Variants in TMEFF2 observed in about 807,000 individuals in gnomAD.
TMEFF2 encodes tomoregulin-2.
A neutral mutation model predicts 53.8 loss-of-function variants in TMEFF2; 28 were observed. The ratio of observed to expected loss-of-function variants is 0.52; its 90% CI spans 0.39 to 0.71. TMEFF2 has a LOEUF of 0.71. Ranked by LOEUF, TMEFF2 falls within the 30% of genes least tolerant of loss-of-function variation. The pLI, the probability that TMEFF2 is intolerant of heterozygous loss-of-function variation, is 0.00. For missense variants in TMEFF2, 353 were observed against 455.2 expected (o/e 0.78, Z 2.04); for synonymous variants, 162 against 166.3 (o/e 0.97, Z 0.20).
chr2:192,015,516 C>A (rs552628719), intron 5 of TMEFF2, among the ~76,000 whole-genome samples: 1 of 152,056 alleles, frequency 6.6e-6, no homozygotes, highest in Admixed American at 6.5e-5. Context: ...GAATGATTAT[C>A]ATATTCACGA....
chr2:192,054,968 T>C (rs920514093), intron 5 of TMEFF2, among the ~76,000 whole-genome samples: 3 of 151,026 alleles, frequency 2.0e-5, no homozygotes, highest in African/African-American at 7.3e-5. Flanking sequence ...TAAAAGCTCA[T>C]GTCTTAAATG....
chr2:192,185,489 A>C (rs1025378849), intron 2 of TMEFF2, among the ~76,000 whole-genome samples: 2 of 152,084 alleles, frequency 1.3e-5, no homozygotes, highest in Non-Finnish European at 2.9e-5. Flanking sequence ...TAAAAACTCT[A>C]TGTTTTACTT....
intron 2 of TMEFF2, among the ~76,000 whole-genome samples, chr2:192,191,035 T>A (rs937748720): frequency 3.3e-5 from 5 of 152,166 alleles, no homozygotes; most frequent in Non-Finnish European, 5.9e-5. Context: ...TATAGGCTAT[T>A]AGTACAACAT....
intron 5 of TMEFF2, chr2:192,044,459 G>A (rs950949542): frequency 1.3e-5 from 2 of 152,204 alleles, no homozygotes; most frequent in African/African-American, 2.4e-5. Flanking sequence ...ACAATGCCTA[G>A]TGGGCCTCTT....
chr2:192,161,638 T>TG (rs1300590197), intron 4 of TMEFF2, among the ~76,000 whole-genome samples: 2 of 152,230 alleles, frequency 1.3e-5, no homozygotes, highest in Non-Finnish European at 2.9e-5. Context: ...TGGACCAGTC[T>TG]GGAGACAACT....
At chr2:192,002,625 T>C (rs894113139) in intron 5 of TMEFF2, among the ~76,000 whole-genome samples, 2 of 152,240 alleles carry the variant, frequency 1.3e-5, no homozygotes, top group Admixed American at 1.3e-4. Context: ...AGTTCAGCAG[T>C]TGGAGACCAG....
At chr2:192,008,591 C>T (rs915221942) in intron 5 of TMEFF2, among the ~76,000 whole-genome samples, 14 of 152,030 alleles carry the variant, frequency 9.2e-5, no homozygotes, top group South Asian at 2.1e-4. Flanking sequence ...GCGGTCGCTC[C>T]GACTGGATGG....
intron 4 of TMEFF2, among the ~76,000 whole-genome samples, chr2:192,084,249 T>G (rs1361547269): frequency 6.6e-6 from 1 of 152,176 alleles, no homozygotes; most frequent in East Asian, 1.9e-4. Context: ...TAACATGCAT[T>G]TCTCATCAAA....
At chr2:192,132,611 C>T (rs542166517) in intron 4 of TMEFF2, among the ~76,000 whole-genome samples, 11 of 152,286 alleles carry the variant, frequency 7.2e-5, no homozygotes, top group Admixed American at 3.9e-4. Flanking sequence ...CAAACCCCAG[C>T]CACATCTCCA....
At chr2:192,076,173 C>A (rs1688428013) in intron 4 of TMEFF2, among the ~76,000 whole-genome samples, 1 of 151,552 alleles carries the variant, frequency 6.6e-6, no homozygotes, top group South Asian at 2.1e-4. Flanking sequence ...GTCTTTTTTT[C>A]CAACTTAGTA....
intron 4 of TMEFF2, among the ~76,000 whole-genome samples, chr2:192,090,593 C>T (rs1480692506): frequency 6.6e-6 from 1 of 152,112 alleles, no homozygotes; most frequent in South Asian, 2.1e-4. Context: ...TTTATGTTTT[C>T]TGTATGAAAG....
At chr2:192,135,445 T>C (rs566131329) in intron 4 of TMEFF2, among the ~76,000 whole-genome samples, 1 of 152,228 alleles carries the variant, frequency 6.6e-6, no homozygotes, top group Non-Finnish European at 1.5e-5. Flanking sequence ...CCATCACCAA[T>C]AATTCTAAAT....
chr2:192,189,043 G>A (rs1691393719), intron 2 of TMEFF2, among the ~76,000 whole-genome samples: 1 of 151,900 alleles, frequency 6.6e-6, no homozygotes, highest in Admixed American at 6.6e-5. Flanking sequence ...AAAAAAGGGG[G>A]GAGAAAACAA....
intron 4 of TMEFF2, among the ~76,000 whole-genome samples, chr2:192,129,360 T>C (rs1234335317): frequency 2.5e-5 from 3 of 121,448 alleles, no homozygotes; most frequent in East Asian, 8.6e-4. Context: ...TTTACCAGCA[T>C]GTTTAATAGA....
At chr2:192,097,633 G>A (rs1023943723) in intron 4 of TMEFF2, among the ~76,000 whole-genome samples, 21 of 152,072 alleles carry the variant, frequency 1.4e-4, no homozygotes, top group Non-Finnish European at 2.1e-4. Flanking sequence ...CTGTTTATGC[G>A]ATATAGCAGG....
chr2:191,981,424 C>T (rs1197466817), intron 7 of TMEFF2, among the ~76,000 whole-genome samples: 2 of 152,154 alleles, frequency 1.3e-5, no homozygotes, highest in Non-Finnish European at 2.9e-5. Flanking sequence ...GTTATAGTTA[C>T]ACACATCAGC....
intron 2 of TMEFF2, among the ~76,000 whole-genome samples, chr2:192,188,833 A>G (rs377369025): frequency 5.4e-3 from 41 of 7,558 alleles, no homozygotes; most frequent in Non-Finnish European, 6.4e-3. Flanking sequence ...TTTTCTATCT[A>G]TCTATCTATC....
chr2:192,171,052 A>C (rs1021784085), intron 4 of TMEFF2, among the ~76,000 whole-genome samples: 1 of 152,136 alleles, frequency 6.6e-6, no homozygotes, highest in Non-Finnish European at 1.5e-5. Flanking sequence ...AAACAAATTC[A>C]ATGCAATTTG....
intron 7 of TMEFF2, among the ~76,000 whole-genome samples, chr2:191,987,717 C>A (rs1014863724): frequency 2.0e-5 from 3 of 152,144 alleles, no homozygotes; most frequent in Non-Finnish European, 2.9e-5. Context: ...GAGACTAAGT[C>A]AAAAGTTCTG....
Sources: allele counts gnomAD v4.1 joint callset (sites outside exome capture counted in the v4.1 genomes callset), GRCh38; gene constraint gnomAD v4.1.1; transcripts MANE v1.5; gene names NCBI Gene and HGNC (gene_info 2026-07-23, HGNC 2026-07-21).